Variants in ANKS1A observed in about 807,000 individuals in gnomAD.
ANKS1A encodes the protein ankyrin repeat and sterile alpha motif domain containing 1A.
Under a neutral mutation model 120.3 loss-of-function variants are expected in ANKS1A, and 55 were observed. That is an observed-to-expected ratio of 0.46 (90% confidence interval 0.37 to 0.57). The LOEUF (loss-of-function observed/expected upper bound fraction) is 0.57, where lower values mean the gene tolerates loss of function less well. Ranked by LOEUF, ANKS1A falls within the 20% of genes least tolerant of loss-of-function variation. The probability of loss-of-function intolerance (pLI) is 0.00; values close to 1 mark genes in which losing one functional copy is unlikely to be tolerated. For synonymous variants in ANKS1A, 590 were observed against 604.7 expected, an observed-to-expected ratio of 0.98 and a Z score of 0.36; for missense variants, 1,123 against 1,480.3, an observed-to-expected ratio of 0.76 and a Z score of 3.96.
rs1777738264 is a variant in ANKS1A at position 35,082,496 on chromosome 6, G to A, written c.2710-195G>A. Among the ~76,000 whole-genome samples, 1 of 152,016 alleles carries A rather than the reference G, an allele frequency of 6.6e-6. No homozygotes were observed. The highest frequency in any genetic ancestry group is 6.6e-5 in the Admixed American group (1 of 15,262). On this transcript the variant is annotated intron_variant, in intron 17 of 23. Coordinates refer to ENST00000360359, the MANE Select transcript of ANKS1A (RefSeq NM_015245.3). This position sits in a 1 kb window ranked among gnomAD's most constrained non-coding sequence, Gnocchi z 4.1. ...CTCAGGCGGTTTGGGTCCCTGCTGT[G>A]CCTCTGCTGTGGCTAGCACCTCCCC... is the stretch of plus-strand genomic sequence containing the variant.
intron 1 of ANKS1A, among the ~76,000 whole-genome samples, chr6:34,953,136 T>G (rs1770167608): frequency 6.6e-6 from 1 of 152,238 alleles, no homozygotes; most frequent in Non-Finnish European, 1.5e-5. Flanking sequence ...ATGTGCCATA[T>G]GCAGTGCTTA....
intron 1 of ANKS1A, among the ~76,000 whole-genome samples, chr6:34,897,140 T>C (rs1263618978): frequency 1.3e-5 from 2 of 152,100 alleles, no homozygotes; most frequent in East Asian, 3.8e-4. Context: ...GTCAGTGGTC[T>C]CCCTTTTTCC....
rs546439810 is a variant in ANKS1A, at chr6:35,091,398, A to C, written c.*2789A>C. ...ACTGAATTAATAAATGAGAAGCGAC[A>C]TGAACGCAGCCTTAATTCTTCTGAG... is the stretch of plus-strand genomic sequence containing the variant. On this transcript the variant is annotated 3_prime_UTR_variant, in exon 24 of 24. Coordinates refer to ENST00000360359, the MANE Select transcript of ANKS1A (RefSeq NM_015245.3). 1 of 985,500 alleles carries C rather than the reference A, an allele frequency of 1.0e-6. No homozygotes were observed. The highest frequency in any genetic ancestry group is 1.7e-5 in the African/African-American group (1 of 57,374). The allele number at this position is 985,500 out of a possible 1,614,324, so 61.0% of individuals were successfully genotyped here. A position where few individuals can be genotyped will look rare whatever the true frequency, so the allele number is the denominator to read the frequency against.
chr6:35,081,734 G>A (rs1346426932), intron 17 of ANKS1A, among the ~76,000 whole-genome samples: 1 of 152,254 alleles, frequency 6.6e-6, no homozygotes, highest in Non-Finnish European at 1.5e-5. Context: ...CAGCCCTGGC[G>A]GAGGTGGGCC....
intron 1 of ANKS1A, among the ~76,000 whole-genome samples, chr6:34,963,164 G>A: frequency 6.6e-6 from 1 of 152,142 alleles, no homozygotes; most frequent in Non-Finnish European, 1.5e-5. Context: ...ACCCGGCTGC[G>A]ATTTTTAAGA....
chr6:35,034,837 C>G (rs892730518), intron 11 of ANKS1A, among the ~76,000 whole-genome samples: 1 of 152,224 alleles, frequency 6.6e-6, no homozygotes, highest in African/African-American at 2.4e-5. Flanking sequence ...TGATTGATCC[C>G]TGTGACATCA....
At position 35,091,356 on chromosome 6, in the gene ANKS1A, T is replaced by C; in HGVS notation, c.*2747T>C. The C allele has an allele frequency of 1.0e-6, 1 of 985,598 alleles. No homozygotes were observed. Among genetic ancestry groups the C allele is most frequent in the Non-Finnish European group, 1.2e-6 (1 of 829,934 alleles). 61.1% of individuals were successfully genotyped at this position (985,598 alleles called of 1,614,324 possible). A position where few individuals can be genotyped will look rare whatever the true frequency, so the allele number is the denominator to read the frequency against. On this transcript the variant is annotated 3_prime_UTR_variant, in exon 24 of 24. Coordinates refer to ENST00000360359, the MANE Select transcript of ANKS1A (RefSeq NM_015245.3). ...TTTGGTTTTGTTATTTTCATAACTG[T>C]ACACAACTTAGAACAGACTGAATTA...
chr6:34,944,219 A>C (rs1158971935), intron 1 of ANKS1A, among the ~76,000 whole-genome samples: 1 of 152,126 alleles, frequency 6.6e-6, no homozygotes, highest in Non-Finnish European at 1.5e-5. Flanking sequence ...CGGAGCTTGC[A>C]GTGAGCTGAG....
intron 11 of ANKS1A, among the ~76,000 whole-genome samples, chr6:35,033,753 A>G (rs984376705): frequency 1.3e-5 from 2 of 152,236 alleles, no homozygotes; most frequent in African/African-American, 2.4e-5. Context: ...ACAGAGATTG[A>G]TCTCAATGAA....
At chr6:34,899,471 AC>A (rs1767243594) in intron 1 of ANKS1A, among the ~76,000 whole-genome samples, 1 of 152,100 alleles carries the variant, frequency 6.6e-6, no homozygotes, top group Non-Finnish European at 1.5e-5. Flanking sequence ...ACATAGTGAG[AC>A]CCAGTTTCTA....
chr6:35,061,085 T>C (rs1776472811), intron 13 of ANKS1A, among the ~76,000 whole-genome samples: 1 of 152,214 alleles, frequency 6.6e-6, no homozygotes, highest in South Asian at 2.1e-4. Flanking sequence ...TCTTAGTGGT[T>C]TGCGTGAATT....
chr6:35,033,252 T>C (rs1320077226), intron 11 of ANKS1A, among the ~76,000 whole-genome samples: 1 of 152,188 alleles, frequency 6.6e-6, no homozygotes, highest in Admixed American at 6.5e-5. Context: ...CAGCTCCTGC[T>C]CAGGTAGCTC....
chr6:34,981,928 A>C lies in ANKS1A; in HGVS notation c.674A>C (p.Asn225Thr). 8 of 1,614,190 alleles carry C rather than the reference A, an allele frequency of 5.0e-6. No individual in the cohort carries two copies. The highest frequency in any genetic ancestry group is 6.8e-6 in the Non-Finnish European group (8 of 1,180,028). ...KHTPLHLAARNGHKAVVQVLL... is the reference protein window; with the variant it reads ...KHTPLHLAARTGHKAVVQVLL... ...ACCCCTCTGCACTTGGCAGCAAGGA[A>C]TGGCCACAAAGCCGTGGTCCAGGTC... Residue 225 changes from asparagine to threonine, a missense_variant, in exon 4 of 24, where the codon AAT becomes ACT. Asn to Thr is a moderately conservative substitution (Grantham distance 65, BLOSUM62 0). Coordinates refer to ENST00000360359, the MANE Select transcript of ANKS1A (RefSeq NM_015245.3).
At chr6:34,992,489 T>C (rs1772630300) in intron 9 of ANKS1A, among the ~76,000 whole-genome samples, 1 of 152,226 alleles carries the variant, frequency 6.6e-6, no homozygotes, top group African/African-American at 2.4e-5. Context: ...CCGGAGGCTA[T>C]ATGAGAGTTC....
intron 13 of ANKS1A, among the ~76,000 whole-genome samples, chr6:35,069,127 A>G (rs1250503987): frequency 6.6e-6 from 1 of 151,994 alleles, no homozygotes; most frequent in East Asian, 1.9e-4. Flanking sequence ...GGCCTTTCCC[A>G]CTGGTTCAAG....
At chr6:35,051,422 A>G (rs1319960603) in intron 11 of ANKS1A, among the ~76,000 whole-genome samples, 1 of 152,214 alleles carries the variant, frequency 6.6e-6, no homozygotes, top group Non-Finnish European at 1.5e-5. Flanking sequence ...TTAAGTGATT[A>G]TGGTGATAAT....
At position 34,889,342 on chromosome 6, in the gene ANKS1A, G is replaced by A; in HGVS notation, c.-61G>A. ...CGTTGCCCGGAGACGGAAAGTTTGG[G>A]AGCCCGAGCAGGCTCGGCTGCAGCC... On this transcript the variant is annotated 5_prime_UTR_variant, in exon 1 of 24. Coordinates refer to ENST00000360359, the MANE Select transcript of ANKS1A (RefSeq NM_015245.3). The surrounding 1 kb of genome is among the most constrained non-coding windows in gnomAD (Gnocchi z 5.5). 1 of 1,233,984 alleles carries A rather than the reference G, an allele frequency of 8.1e-7. No individual in the cohort carries two copies. The highest frequency in any genetic ancestry group is 1.0e-6 in the Non-Finnish European group (1 of 989,546). The allele number at this position is 1,233,984 out of a possible 1,614,324, so 76.4% of individuals were successfully genotyped here. A position where few individuals can be genotyped will look rare whatever the true frequency, so the allele number is the denominator to read the frequency against.
intron 3 of ANKS1A, among the ~76,000 whole-genome samples, chr6:34,970,563 A>G (rs957372867): frequency 6.6e-6 from 1 of 152,216 alleles, no homozygotes; most frequent in African/African-American, 2.4e-5. Context: ...TGGGTTCCGC[A>G]TGTGCAGACT....
At chr6:35,056,568 G>A (rs537418896) in intron 12 of ANKS1A, among the ~76,000 whole-genome samples, 3 of 152,328 alleles carry the variant, frequency 2.0e-5, no homozygotes, top group Admixed American at 6.5e-5. Flanking sequence ...GATTACAGGC[G>A]TGAGCCACGA....
Sources: allele counts gnomAD v4.1 joint callset (sites outside exome capture counted in the v4.1 genomes callset), GRCh38; gene constraint gnomAD v4.1.1; non-coding constraint Gnocchi (gnomAD v3.1); transcripts MANE v1.5; gene names NCBI Gene and HGNC (gene_info 2026-07-23, HGNC 2026-07-21).